Variants in PSD3 observed in about 807,000 individuals in gnomAD.
The protein encoded by PSD3 is PH and SEC7 domain-containing protein 3.
In PSD3, 49 loss-of-function variants were observed where a neutral mutation model predicts 105.5. The ratio of observed to expected loss-of-function variants is 0.46; its 90% confidence interval spans 0.37 to 0.59. PSD3 has a LOEUF of 0.59. Among genes scored for constraint, PSD3 ranks in the 20% least tolerant of loss-of-function variants. PSD3 has a pLI of 0.00. For missense variants in PSD3, 1,561 were observed against 1,263.8 expected (o/e 1.24, Z -3.57); for synonymous variants, 557 against 457.8 (o/e 1.22, Z -2.77).
At chr8:18,815,459 C>T (rs1055541152) in intron 4 of PSD3, among the ~76,000 whole-genome samples, 2 of 152,050 alleles carry the variant, frequency 1.3e-5, no homozygotes, top group African/African-American at 2.4e-5. Flanking sequence ...CAGGCGCATG[C>T]CCCCATGCCT....
chr8:18,829,716 C>G (rs376315523), intron 4 of PSD3, among the ~76,000 whole-genome samples: 4 of 152,092 alleles, frequency 2.6e-5, no homozygotes, highest in African/African-American at 9.7e-5. Context: ...TTCACAATCT[C>G]GTAGCACTGT....
chr8:18,907,077 C>A (rs1253819611), intron 2 of PSD3, among the ~76,000 whole-genome samples: 1 of 151,966 alleles, frequency 6.6e-6, no homozygotes, highest in African/African-American at 2.4e-5. Context: ...CAAAATAGTC[C>A]AAAGGTTTTA....
At chr8:18,917,047 A>C (rs1369719423) in intron 2 of PSD3, among the ~76,000 whole-genome samples, 3 of 152,136 alleles carry the variant, frequency 2.0e-5, no homozygotes, top group Non-Finnish European at 4.4e-5. Flanking sequence ...AAGTGTCAGC[A>C]TTCTTCCACC....
intron 10 of PSD3, among the ~76,000 whole-genome samples, chr8:18,637,468 G>C (rs1585460577): frequency 6.6e-6 from 1 of 152,122 alleles, no homozygotes; most frequent in South Asian, 2.1e-4. Flanking sequence ...ACTGTTATTT[G>C]GCCAACTCCT....
Position 18,872,533 on chromosome 8 carries a change from G to A in PSD3, c.331C>T (p.Pro111Ser). 6.2e-7 allele frequency: 1 copy of A among 1,614,054 alleles called. No homozygotes were observed. The highest frequency in any genetic ancestry group is 8.5e-7 in the Non-Finnish European group (1 of 1,179,996). Residue 111 changes from proline to serine, a missense_variant, in exon 3 of 16, where the codon CCA (proline) becomes TCA (serine). Transcript: ENST00000327040. Reference protein sequence around the residue: ...HSGLDSVTEGPKDVREAPSQS... With the variant: ...HSGLDSVTEGSKDVREAPSQS... ...GAGGGGGCCTCTCTGACATCTTTTG[G>A]TCCTTCTGTAACACTGTCGAGCCCA... is the stretch of plus-strand genomic sequence containing the variant.
At chr8:18,624,105 A>G (rs893595581) in intron 11 of PSD3, among the ~76,000 whole-genome samples, 4 of 152,278 alleles carry the variant, frequency 2.6e-5, no homozygotes, top group Non-Finnish European at 5.9e-5. Flanking sequence ...TGTAACACTA[A>G]GAGTTTTTAT....
In PSD3 at chr8:18,679,135, C is replaced by T. The variant is rs1800238785; in HGVS notation, c.2173-23450G>A. Among the ~76,000 whole-genome samples, 3 of 152,324 alleles carry T rather than the reference C, an allele frequency of 2.0e-5. No homozygotes were observed. In the South Asian group the frequency reaches 6.2e-4, roughly 32 times the overall value. ...CAGAATCTCCTTCCCAGGCTCTAGC[C>T]TTAGTCTAAAGAGCAAAAGTGGTCT... On this transcript the variant is annotated intron_variant, in intron 9 of 15. Transcript: ENST00000327040.
At chr8:18,905,840 C>A (rs1324070550) in intron 2 of PSD3, among the ~76,000 whole-genome samples, 1 of 151,918 alleles carries the variant, frequency 6.6e-6, no homozygotes, top group Non-Finnish European at 1.5e-5. Context: ...TAATTTTTAC[C>A]ACTCCCTATA....
At chr8:18,730,357 T>C (rs1338425560) in intron 9 of PSD3, 3 of 152,206 alleles carry the variant, frequency 2.0e-5, no homozygotes, top group Non-Finnish European at 2.9e-5. Context: ...TATTCTCCAA[T>C]ATAAACAAAC....
At chr8:18,616,618 C>CTTTTTT (rs36197855) in intron 11 of PSD3, among the ~76,000 whole-genome samples, 8,084 of 69,626 alleles carry the variant, frequency 0.12, 606 homozygotes, top group Middle Eastern at 0.19. Context: ...ATCTTCCTCT[C>CTTTTTT]TTTTCTTTTC....
chr8:18,752,514 TATGTAA>T (rs1563225012), intron 9 of PSD3, among the ~76,000 whole-genome samples: 87 of 83,504 alleles, frequency 1.0e-3, no homozygotes, highest in Non-Finnish European at 1.4e-3. Context: ...ATATATAATA[TATGTAA>T]TATATATAAT....
chr8:18,603,761 G>A (rs762487453), intron 11 of PSD3, among the ~76,000 whole-genome samples: 2 of 152,036 alleles, frequency 1.3e-5, no homozygotes, highest in African/African-American at 2.4e-5. Context: ...GTGAATGCTC[G>A]TGAGATCTGG....
At chr8:18,919,257 G>T (rs1002984852) in intron 2 of PSD3, among the ~76,000 whole-genome samples, 4 of 152,096 alleles carry the variant, frequency 2.6e-5, no homozygotes, top group African/African-American at 9.7e-5. Context: ...AGAAACGCCA[G>T]CCAGGAAGGA....
intron 9 of PSD3, chr8:18,733,160 A>G (rs1803892951): frequency 6.6e-6 from 1 of 152,206 alleles, no homozygotes; most frequent in South Asian, 2.1e-4. Flanking sequence ...TTTTGGCTCA[A>G]TGTATGTTTT....
intron 4 of PSD3, among the ~76,000 whole-genome samples, chr8:18,839,244 C>T (rs978331815): frequency 1.3e-5 from 2 of 151,886 alleles, no homozygotes; most frequent in Non-Finnish European, 2.9e-5. Flanking sequence ...ATTACCAATA[C>T]AGAGCATGGA....
intron 2 of PSD3, among the ~76,000 whole-genome samples, chr8:18,888,739 G>C (rs1339884599): frequency 6.6e-6 from 1 of 152,078 alleles, no homozygotes; most frequent in Non-Finnish European, 1.5e-5. Flanking sequence ...ACCTTTGCTG[G>C]CTTCATACAA....
rs56809538 is a variant in PSD3 at position 18,806,379 on chromosome 8, G to A, written c.1635-1481C>T. Among the ~76,000 whole-genome samples, 595 of 152,282 alleles carry A rather than the reference G, an allele frequency of 3.9e-3. 14 individuals are homozygous for A. The East Asian group carries it at 0.056, about 14-fold the overall frequency. On this transcript the variant is annotated intron_variant, in intron 4 of 15. Coordinates refer to ENST00000327040, the MANE Select transcript of PSD3 (RefSeq NM_015310.4). ...CCACAGGCAACACGTTGAGAACTCC[G>A]CCCTAGAAAGGGCTTAAAGACTACA...
chr8:18,777,183 C>T (rs1447140755), intron 8 of PSD3, among the ~76,000 whole-genome samples: 4 of 152,020 alleles, frequency 2.6e-5, no homozygotes, highest in African/African-American at 9.7e-5. Flanking sequence ...GCTGGGACTA[C>T]AGGCATGCAC....
At chr8:18,623,466 A>AG (rs1806266897) in intron 11 of PSD3, among the ~76,000 whole-genome samples, 2 of 149,536 alleles carry the variant, frequency 1.3e-5, no homozygotes, top group African/African-American at 4.9e-5. Flanking sequence ...AAAAAAAAAA[A>AG]AAAAGAAAAA....
Sources: gnomAD v4.1 joint callset for allele counts (sites outside exome capture counted in the v4.1 genomes callset) on GRCh38, gnomAD v4.1.1 for gene constraint, MANE v1.5 for transcripts, NCBI Gene and HGNC (gene_info 2026-07-23, HGNC 2026-07-21) for gene names.